LRRC4C: variants seen among roughly 807,000 people sequenced by gnomAD.
LRRC4C encodes the protein leucine rich repeat containing 4C.
A neutral mutation model predicts 33.6 loss-of-function variants in LRRC4C; 5 were observed. That is an observed-to-expected ratio of 0.15 (90% CI 0.08 to 0.31). The LOEUF (loss-of-function observed/expected upper bound fraction) is 0.31. LRRC4C is among the 10% of genes least tolerant of loss of function. LRRC4C has a pLI of 1.00. For missense variants in LRRC4C, 560 were observed against 796.7 expected (o/e 0.70, Z 3.58); for synonymous variants, 329 against 302.0 (o/e 1.09, Z -0.93).
chr11:40,775,413 C>CA (rs35899682), intron 2 of LRRC4C, among the ~76,000 whole-genome samples: 14 of 148,094 alleles, frequency 9.5e-5, no homozygotes, highest in East Asian at 6.0e-4. Context: ...GACTCTGTTT[C>CA]AAAAAAAAAA....
intron 1 of LRRC4C, among the ~76,000 whole-genome samples, chr11:41,086,020 C>G (rs1316292178): frequency 6.7e-6 from 1 of 150,258 alleles, no homozygotes; most frequent in African/African-American, 2.4e-5. Context: ...AAAAGCTTCT[C>G]TGCCTTTTGT....
At chr11:40,793,446 T>C (rs568309992) in intron 2 of LRRC4C, among the ~76,000 whole-genome samples, 1 of 152,350 alleles carries the variant, frequency 6.6e-6, no homozygotes, top group African/African-American at 2.4e-5. Flanking sequence ...ATTAATTATA[T>C]AGTAACATCA....
At chr11:40,974,431 A>G (rs1851936234) in intron 1 of LRRC4C, among the ~76,000 whole-genome samples, 3 of 152,220 alleles carry the variant, frequency 2.0e-5, no homozygotes, top group African/African-American at 4.8e-5. Flanking sequence ...TCATATTACC[A>G]TTAAAATGAT....
intron 1 of LRRC4C, among the ~76,000 whole-genome samples, chr11:41,147,906 T>C (rs571704088): frequency 6.6e-5 from 10 of 152,064 alleles, no homozygotes; most frequent in East Asian, 1.9e-4. Flanking sequence ...CTTGGCAATA[T>C]AGTGAGGCCC....
chr11:40,241,182 G>A (rs1001653699), intron 5 of LRRC4C, among the ~76,000 whole-genome samples: 1 of 152,018 alleles, frequency 6.6e-6, no homozygotes, highest in Non-Finnish European at 1.5e-5. Context: ...CTTGAGGCAG[G>A]AGTGCCTGCA....
At chr11:40,704,535 G>C (rs150603316) in intron 2 of LRRC4C, among the ~76,000 whole-genome samples, 1 of 152,222 alleles carries the variant, frequency 6.6e-6, no homozygotes, top group African/African-American at 2.4e-5. Flanking sequence ...ACTCTGCATA[G>C]ACTGTAGTGA....
intron 2 of LRRC4C, among the ~76,000 whole-genome samples, chr11:40,704,883 T>C (rs992249804): frequency 3.9e-5 from 6 of 152,082 alleles, no homozygotes; most frequent in Admixed American, 3.3e-4. Flanking sequence ...AAATATTGAA[T>C]TTAAATTTAA....
chr11:41,017,049 C>A (rs1392534049), intron 1 of LRRC4C, among the ~76,000 whole-genome samples: 2 of 152,052 alleles, frequency 1.3e-5, no homozygotes, highest in South Asian at 2.1e-4. Context: ...TCAGTTGATA[C>A]CTGAGACTGA....
intron 2 of LRRC4C, among the ~76,000 whole-genome samples, chr11:40,651,575 G>T (rs925388766): frequency 1.3e-5 from 2 of 152,118 alleles, no homozygotes; most frequent in African/African-American, 2.4e-5. Flanking sequence ...CCAGTTAAGC[G>T]ATTTCCATGC....
intron 3 of LRRC4C, among the ~76,000 whole-genome samples, chr11:40,439,518 A>G (rs571940991): frequency 5.4e-4 from 82 of 150,846 alleles, no homozygotes; most frequent in Non-Finnish European, 9.6e-4. Context: ...CAGTGGTGCA[A>G]TCTCGGCTCA....
At chr11:40,257,551 G>T (rs1374776488) in intron 4 of LRRC4C, among the ~76,000 whole-genome samples, 2 of 152,112 alleles carry the variant, frequency 1.3e-5, no homozygotes, top group Non-Finnish European at 2.9e-5. Flanking sequence ...GCCCCGAAGA[G>T]TCATCTTGAC....
chr11:40,198,170 C>T (rs192847994), intron 5 of LRRC4C, among the ~76,000 whole-genome samples: 47 of 152,206 alleles, frequency 3.1e-4, no homozygotes, highest in African/African-American at 7.0e-4. Context: ...GCGAAAGGGA[C>T]GGACAAGTGT....
chr11:40,339,679 G>A (rs1946778368), intron 3 of LRRC4C, among the ~76,000 whole-genome samples: 1 of 152,102 alleles, frequency 6.6e-6, no homozygotes, highest in Admixed American at 6.6e-5. Context: ...ATGGTTTGTG[G>A]CAGAAAATTT....
chr11:41,242,222 A>G (rs970707714), intron 1 of LRRC4C, among the ~76,000 whole-genome samples: 3 of 152,022 alleles, frequency 2.0e-5, no homozygotes, highest in Non-Finnish European at 4.4e-5. Context: ...TTTGTTTTGT[A>G]TAGCCAAACC....
chr11:40,768,330 C>A (rs1397482041), intron 2 of LRRC4C, among the ~76,000 whole-genome samples: 1 of 152,024 alleles, frequency 6.6e-6, no homozygotes, highest in Non-Finnish European at 1.5e-5. Flanking sequence ...TAACAAGCCT[C>A]CTGGCCAAGA....
intron 2 of LRRC4C, among the ~76,000 whole-genome samples, chr11:40,832,877 C>T (rs1952482737): frequency 6.6e-6 from 1 of 151,888 alleles, no homozygotes; most frequent in African/African-American, 2.4e-5. Flanking sequence ...TAAAATCATC[C>T]GAGTTCATTT....
chr11:40,846,022 T>A (rs1182600386), intron 2 of LRRC4C, among the ~76,000 whole-genome samples: 1 of 1,526 alleles, frequency 6.6e-4, no homozygotes, highest in Non-Finnish European at 2.0e-3. Context: ...TTTCTGATGT[T>A]TTTTTTTTTT....
chr11:41,300,566 C>A (rs1288678608), intron 1 of LRRC4C, among the ~76,000 whole-genome samples: 1 of 152,138 alleles, frequency 6.6e-6, no homozygotes, highest in Non-Finnish European at 1.5e-5. Context: ...TGAACAATTC[C>A]TGGCTTCTCT....
chr11:40,999,859 T>C (rs1854248154), intron 1 of LRRC4C, among the ~76,000 whole-genome samples: 1 of 152,022 alleles, frequency 6.6e-6, no homozygotes, highest in Middle Eastern at 3.2e-3. Context: ...AGAGGTAACA[T>C]TGGACCTGGT....
Sources: allele counts gnomAD v4.1 joint callset (sites outside exome capture counted in the v4.1 genomes callset), GRCh38; gene constraint gnomAD v4.1.1; transcripts MANE v1.5; gene names NCBI Gene and HGNC (gene_info 2026-07-23, HGNC 2026-07-21).